Variants in INPP5B observed in about 807,000 individuals in gnomAD.
INPP5B encodes inositol polyphosphate-5-phosphatase B, also known as type II inositol 1,4,5-trisphosphate 5-phosphatase.
INPP5B carries 90 observed loss-of-function variants against 118.5 expected under a neutral mutation model. The ratio of observed to expected loss-of-function variants is 0.76; its 90% CI spans 0.64 to 0.90. The LOEUF is 0.90. INPP5B is among the 40% of genes least tolerant of loss of function. The pLI, the probability that INPP5B is intolerant of heterozygous loss-of-function variation, is 0.00. For missense variants in INPP5B, 984 were observed against 1,125.6 expected (o/e 0.87, Z 1.80); for synonymous variants, 385 against 418.9 (o/e 0.92, Z 0.99).
At chr1:37,878,411 G>A in intron 15 of INPP5B, 88 bp from the exon 16 acceptor site, 1 of 1,554,830 alleles carries the variant, frequency 6.4e-7, no homozygotes, top group Non-Finnish European at 8.7e-7. Context: ...GGGGAGTGAT[G>A]AATCAGGGCC....
chr1:37,931,957 T>A lies in INPP5B; in HGVS notation c.488A>T (p.Asn163Ile). Residue 163 changes from asparagine (N) to isoleucine (I), a missense_variant, in exon 7 of 24, where the codon AAC becomes ATC. Asn to Ile is a moderately radical substitution (Grantham distance 149). Transcript: ENST00000373024. ...CCCTGGCCAGGTAACTAGGGCCGAG[T>A]TACAACCGCGCGGCGTTGGCATCTC... ...ELEMPTPRGC[N>I]SALVTWPGYA... The A allele has an allele frequency of 6.2e-7, 1 of 1,613,930 alleles. No homozygotes were observed. The highest frequency in any genetic ancestry group is 8.5e-7 in the Non-Finnish European group (1 of 1,179,988).
In INPP5B at chr1:37,882,822, C is replaced by T; in HGVS notation, c.1416G>A (p.Leu472=). ...KLIEEKDFQM[L]YAYDQLKIQV... is the part of the protein sequence containing the mutation. ...CCATCTGTACCTGATCATATGCATA[C>T]AGCATTTGAAAGTCCTTCTCTTCGA... Residue 472 remains leucine (L), a synonymous_variant, in exon 14 of 24, where the codon CTG becomes CTA. Coordinates refer to ENST00000373024, the MANE Select transcript of INPP5B (RefSeq NM_005540.3). 1 of 1,612,056 alleles carries T rather than the reference C, an allele frequency of 6.2e-7. No homozygotes were observed. Among genetic ancestry groups the T allele is most frequent in the Non-Finnish European group, 8.5e-7 (1 of 1,178,110 alleles).
chr1:37,911,794 C>T (rs1644708367), intron 7 of INPP5B, among the ~76,000 whole-genome samples: 1 of 152,176 alleles, frequency 6.6e-6, no homozygotes, highest in Non-Finnish European at 1.5e-5. Flanking sequence ...TGTTTTACTT[C>T]CAAAGGAAGC....
Position 37,861,801 on chromosome 1 carries a change from C to G in INPP5B, c.*514G>C, listed in dbSNP as rs1309644413. On this transcript the variant is annotated 3_prime_UTR_variant, in exon 24 of 24. Transcript: ENST00000373024. ...CTGTAATCCTAGCACTTGGGGAGGCCGAGGCAGGCAGATTACCTGAGTTCA... is the reference window on the plus strand; with the variant it reads ...CTGTAATCCTAGCACTTGGGGAGGCGGAGGCAGGCAGATTACCTGAGTTCA... 6.6e-6 allele frequency: 1 copy of G among 151,562 alleles called. No individual in the cohort carries two copies. Among genetic ancestry groups the G allele is most frequent in the Admixed American group, 6.6e-5 (1 of 15,172 alleles). The allele number at this position is 151,562 out of a possible 1,614,324, so 9.4% of individuals were successfully genotyped here. A position where few individuals can be genotyped will look rare whatever the true frequency, so the allele number is the denominator to read the frequency against.
chr1:37,912,859 T>C (rs9659762), intron 7 of INPP5B, among the ~76,000 whole-genome samples: 1,970 of 152,064 alleles, frequency 0.013, 45 homozygotes, highest in African/African-American at 0.045. Context: ...CACTCTCTCC[T>C]AGCTGTTTCT....
intron 7 of INPP5B, among the ~76,000 whole-genome samples, chr1:37,896,550 A>G (rs1426928553): frequency 7.3e-6 from 1 of 137,620 alleles, no homozygotes; most frequent in Non-Finnish European, 1.6e-5. Context: ...CCTACTGGGA[A>G]CTGAGGAGCC....
At chr1:37,889,788 A>T (rs945918984) in intron 8 of INPP5B, 64 bp from the exon 9 acceptor site, 2 of 1,289,810 alleles carry the variant, frequency 1.6e-6, no homozygotes, top group Non-Finnish European at 2.2e-6. Context: ...GAATGAATAC[A>T]AAGCTAAAAG....
At chr1:37,887,311 T>C in intron 11 of INPP5B, 40 bp downstream of exon 11, 3 of 1,179,924 alleles carry the variant, frequency 2.5e-6, no homozygotes, top group Middle Eastern at 2.0e-4. Flanking sequence ...TTTCCCTGCA[T>C]GGCAACATAA....
chr1:37,945,884 G>A (rs778890301), intron 2 of INPP5B, 34 bp from the exon 3 acceptor site: 4 of 1,594,638 alleles, frequency 2.5e-6, no homozygotes, highest in Non-Finnish European at 3.4e-6. Flanking sequence ...ACAACCCAGA[G>A]GCGAGGCCTC....
chr1:37,943,940 C>G (rs1441541862), intron 3 of INPP5B, 47 bp from the exon 4 acceptor site: 1 of 1,385,642 alleles, frequency 7.2e-7, no homozygotes, highest in African/African-American at 1.4e-5. Flanking sequence ...CTGGCTGTCC[C>G]TCAGCCCTAT....
intron 7 of INPP5B, among the ~76,000 whole-genome samples, chr1:37,917,329 T>TATATATATATATATATATATATATAG (rs1644908241): frequency 7.6e-6 from 1 of 131,520 alleles, no homozygotes; most frequent in Non-Finnish European, 1.6e-5. Flanking sequence ...TATATATATA[T>TATATATATATATATATATATATATAG]ATATATATAT....
intron 7 of INPP5B, among the ~76,000 whole-genome samples, chr1:37,927,353 C>G (rs766833560): frequency 6.6e-6 from 1 of 151,882 alleles, no homozygotes; most frequent in African/African-American, 2.4e-5. Context: ...ACCAATCTAC[C>G]GATTCAACTA....
rs1273481985 is a variant in INPP5B at position 37,887,357 on chromosome 1, A to G, written c.1008T>C (p.Tyr336=). ...TCCCTGACTCCTCTCTTACCTTTGCATATTTGGCATCTGGATGAAGACCCT... is the reference window on the plus strand; with the variant it reads ...TCCCTGACTCCTCTCTTACCTTTGCGTATTTGGCATCTGGATGAAGACCCT... The part of the protein sequence containing the change: ...VSEGLHPDAK[Y]AKVKLIRLVG... The change falls in exon 11 of 24, where the codon TAT becomes TAC. Residue 336 remains tyrosine, a synonymous_variant. Transcript: ENST00000373024. 2.5e-6 allele frequency: 4 copies of G among 1,585,866 alleles called. No individual in the cohort carries two copies. The South Asian group carries it at 3.3e-5, about 13-fold the overall frequency.
chr1:37,883,830 CTCCT>C (rs1401723498), intron 13 of INPP5B: 1 of 985,344 alleles, frequency 1.0e-6, no homozygotes, highest in Admixed American at 6.1e-5. Flanking sequence ...ACTCTGTTTA[CTCCT>C]TGGCAGATAT....
At chr1:37,925,379 A>C (rs1238853200) in intron 7 of INPP5B, among the ~76,000 whole-genome samples, 19 of 152,110 alleles carry the variant, frequency 1.2e-4, no homozygotes, top group Non-Finnish European at 1.3e-4. Flanking sequence ...TGGATCACCA[A>C]TAACAAAACT....
chr1:37,907,035 C>G lies in INPP5B; in HGVS notation c.533-15581G>C, dbSNP rs2148587158. Reference sequence around the variant, plus strand: ...CAAGAGATATAGGTAATGTAAAAACCTGGATCAATATTCTAATTCTGGGCA... The same window carrying G: ...CAAGAGATATAGGTAATGTAAAAACGTGGATCAATATTCTAATTCTGGGCA... On this transcript the variant is annotated intron_variant, in intron 7 of 23. Transcript: ENST00000373024. The surrounding 1 kb of genome is among the most constrained non-coding windows in gnomAD (Gnocchi z 4.3). Among the ~76,000 whole-genome samples, 1 of 152,178 alleles carries G rather than the reference C, an allele frequency of 6.6e-6. No individual in the cohort carries two copies. Among genetic ancestry groups the G allele is most frequent in the Non-Finnish European group, 1.5e-5 (1 of 67,998 alleles).
At position 37,863,879 on chromosome 1, in the gene INPP5B, G is replaced by A. The variant is rs550228761; in HGVS notation, c.2626+433C>T. 2.1e-4 allele frequency among the ~76,000 whole-genome samples: 32 copies of A among 149,928 alleles called. 1 individual carries two copies. In the South Asian group the frequency reaches 6.9e-3, roughly 32 times the overall value. On this transcript the variant is annotated intron_variant, in intron 23 of 23. Coordinates refer to ENST00000373024, the MANE Select transcript of INPP5B (RefSeq NM_005540.3). The stretch of plus-strand genomic sequence containing the variant: ...GCCCAGGCTGGAGTGCAGTGGTGCG[G>A]TCTCGGGTCACTGCAGCCTCCGCCT...
At chr1:37,935,621 C>T (rs1645656667) in intron 6 of INPP5B, among the ~76,000 whole-genome samples, 1 of 152,136 alleles carries the variant, frequency 6.6e-6, no homozygotes, top group East Asian at 1.9e-4. Flanking sequence ...ATTCCCATCA[C>T]CAGGGCTCTC....
chr1:37,904,104 A>G (rs1000027966), intron 7 of INPP5B, among the ~76,000 whole-genome samples: 2 of 151,962 alleles, frequency 1.3e-5, no homozygotes, highest in African/African-American at 4.8e-5. Flanking sequence ...AGGCAGACAG[A>G]TCACGAGGTC....
Sources: gnomAD v4.1 joint callset for allele counts (sites outside exome capture counted in the v4.1 genomes callset) on GRCh38, gnomAD v4.1.1 for gene constraint, Gnocchi (gnomAD v3.1) non-coding constraint, MANE v1.5 for transcripts, NCBI Gene and HGNC (gene_info 2026-07-23, HGNC 2026-07-21) for gene names.